Variants in CPS1 observed in about 807,000 individuals in gnomAD.
The protein encoded by CPS1 is carbamoyl-phosphate synthase 1.
Under a neutral mutation model 174.6 loss-of-function variants are expected in CPS1, and 109 were observed. The ratio of observed to expected loss-of-function variants is 0.62; its 90% CI spans 0.53 to 0.73. The LOEUF is 0.73. CPS1 is among the 30% of genes least tolerant of loss of function. The pLI, the probability that CPS1 is intolerant of heterozygous loss-of-function variation, is 0.00. For synonymous variants in CPS1, 637 were observed against 632.0 expected (o/e 1.01, Z -0.12); for missense variants, 1,689 against 1,821.9 (o/e 0.93, Z 1.33).
At chr2:210,676,740 C>T (rs990263984) in intron 36 of CPS1, among the ~76,000 whole-genome samples, 1 of 152,074 alleles carries the variant, frequency 6.6e-6, no homozygotes, top group Non-Finnish European at 1.5e-5. Flanking sequence ...ATCAAATTAC[C>T]AATTCTTAAT....
intron 2 of CPS1, among the ~76,000 whole-genome samples, chr2:210,575,520 A>ACG (rs1181034007): frequency 8.0e-6 from 1 of 125,266 alleles, no homozygotes; most frequent in Non-Finnish European, 1.7e-5. Flanking sequence ...GTATATGCAC[A>ACG]CACACACACA....
chr2:210,538,837 A>C (rs1207987805), intron 1 of CPS1, among the ~76,000 whole-genome samples: 1 of 152,104 alleles, frequency 6.6e-6, no homozygotes, highest in Non-Finnish European at 1.5e-5. Context: ...TTTGTTCATC[A>C]TGTGAAAAAA....
At chr2:210,591,474 TC>T (rs1164596626) in intron 9 of CPS1, among the ~76,000 whole-genome samples, 1 of 152,042 alleles carries the variant, frequency 6.6e-6, no homozygotes, top group African/African-American at 2.4e-5. Flanking sequence ...TCCCTATAAC[TC>T]TCGGGCTTTA....
At chr2:210,488,593 A>G (rs1694786236) in intron 1 of CPS1, among the ~76,000 whole-genome samples, 1 of 152,162 alleles carries the variant, frequency 6.6e-6, no homozygotes, top group Non-Finnish European at 1.5e-5. Flanking sequence ...TTTTGTGTAT[A>G]TAGGTACCAT....
intron 11 of CPS1, chr2:210,593,252 T>C (rs1316309177): frequency 6.9e-6 from 5 of 721,082 alleles, no homozygotes; most frequent in Non-Finnish European, 9.9e-6. Context: ...TGTTGTACTA[T>C]GCAAATGAAT....
At chr2:210,598,666 A>G (rs191095132) in intron 13 of CPS1, among the ~76,000 whole-genome samples, 61 of 152,070 alleles carry the variant, frequency 4.0e-4, no homozygotes, top group Admixed American at 1.0e-3. Context: ...AGATCTAACT[A>G]TCCTAAATAT....
At chr2:210,550,968 T>C (rs1181179081) in intron 1 of CPS1, among the ~76,000 whole-genome samples, 1 of 151,910 alleles carries the variant, frequency 6.6e-6, no homozygotes. Flanking sequence ...AACATTGAGT[T>C]TCTTTTCTTA....
intron 26 of CPS1, 127 bp from the exon 27 acceptor site, chr2:210,648,346 T>A: frequency 1.3e-6 from 1 of 790,252 alleles, no homozygotes; most frequent in Non-Finnish European, 2.0e-6. Flanking sequence ...CAGTGTCCAA[T>A]TTACATTTAA....
chr2:210,645,748 A>T (rs1700359329), intron 25 of CPS1, among the ~76,000 whole-genome samples: 1 of 152,176 alleles, frequency 6.6e-6, no homozygotes, highest in Non-Finnish European at 1.5e-5. Context: ...ATGCCACTGC[A>T]CTCCAGCGTT....
chr2:210,604,652 A>G (rs1384143165), intron 16 of CPS1, among the ~76,000 whole-genome samples: 5 of 151,870 alleles, frequency 3.3e-5, no homozygotes, highest in Non-Finnish European at 5.9e-5. Context: ...CCTCATCAAC[A>G]TCAACTAACT....
chr2:210,516,829 C>A (rs1270738383), intron 1 of CPS1, among the ~76,000 whole-genome samples: 2 of 151,856 alleles, frequency 1.3e-5, no homozygotes, highest in African/African-American at 2.4e-5. Context: ...AAATGATAGA[C>A]CCCAGCTATA....
chr2:210,495,780 G>T (rs1215333012), intron 1 of CPS1, among the ~76,000 whole-genome samples: 1 of 152,120 alleles, frequency 6.6e-6, no homozygotes, highest in African/African-American at 2.4e-5. Flanking sequence ...AACTTGCAAT[G>T]TTTGCTTTGC....
In CPS1 at chr2:210,658,621, T is replaced by A. The variant is rs763268415; in HGVS notation, c.3689T>A (p.Ile1230Asn). The change falls in exon 31 of 38, where the codon ATT (isoleucine) becomes AAT (asparagine). Residue 1230 changes from isoleucine to asparagine, a missense_variant. Ile to Asn is a moderately radical substitution (Grantham distance 149). Transcript: ENST00000233072. ...CAGGTGAAGGATGCTACCCGGAAGA[T>A]TGCAAAGGCTTTTGCCATCTCTGGT... ...IEKVKDATRK[I>N]AKAFAISGPF... The A allele has an allele frequency of 6.2e-7, 1 of 1,613,944 alleles. No homozygotes were observed. Among genetic ancestry groups the A allele is most frequent in the African/African-American group, 1.3e-5 (1 of 74,922 alleles).
intron 28 of CPS1, among the ~76,000 whole-genome samples, chr2:210,651,949 T>C (rs1478790128): frequency 3.3e-5 from 5 of 152,192 alleles, no homozygotes; most frequent in Non-Finnish European, 1.5e-5. Context: ...CTCAACAGAC[T>C]TCAAATAATT....
rs560684713 is a variant in CPS1, at chr2:210,567,196, A to T, written c.127-6102A>T. Among the ~76,000 whole-genome samples the T allele has an allele frequency of 3.9e-5, 6 of 152,220 alleles. No individual in the cohort carries two copies. In the East Asian group the frequency reaches 1.2e-3, roughly 29 times the overall value. ...ATCAGTATTACAGCTTTTTTAAGGG[A>T]GGTATTTTAACATTTGAACTCACAC... On this transcript the variant is annotated intron_variant, in intron 1 of 37. Coordinates refer to ENST00000233072, the MANE Select transcript of CPS1 (RefSeq NM_001875.5).
rs567933662 is a variant in CPS1 at position 210,675,031 on chromosome 2, T to C, written c.4161+70T>C. On this transcript the variant is annotated intron_variant, in intron 35 of 37. Coordinates refer to ENST00000233072, the MANE Select transcript of CPS1 (RefSeq NM_001875.5). ...GTCCACAAATCAAAATATTGCAGAA[T>C]ATTGGAAAAGAAATAGCCCAAAATA... is the stretch of plus-strand genomic sequence containing the variant. 5.5e-6 allele frequency: 7 copies of C among 1,271,912 alleles called. No individual in the cohort carries two copies. In the African/African-American group the frequency reaches 8.8e-5, roughly 16 times the overall value. 78.8% of individuals were successfully genotyped at this position (1,271,912 alleles called of 1,614,324 possible). A position where few individuals can be genotyped will look rare whatever the true frequency, so the allele number is the denominator to read the frequency against.
Position 210,538,462 on chromosome 2 carries a change from ATATACT to A in CPS1, c.4-18251_4-18246del, listed in dbSNP as rs1405149668. On this transcript the variant is annotated intron_variant, in intron 1 of 38. Transcript: ENST00000430249. ...TAAACTTATTTAATATATTAAAATGATATACTTATACATTTTAATTTTAATCCTTTA... is the reference window on the plus strand; with the variant it reads ...TAAACTTATTTAATATATTAAAATGATATACATTTTAATTTTAATCCTTTA... Among the ~76,000 whole-genome samples the A allele has an allele frequency of 9.9e-5, 15 of 152,134 alleles. No homozygotes were observed. In the East Asian group the frequency reaches 1.4e-3, roughly 14 times the overall value.
At chr2:210,586,606 C>A (rs975229238) in intron 6 of CPS1, among the ~76,000 whole-genome samples, 5 of 152,044 alleles carry the variant, frequency 3.3e-5, no homozygotes, top group Non-Finnish European at 5.9e-5. Flanking sequence ...AAGCACAAAT[C>A]CATATATGCA....
At chr2:210,624,742 G>A (rs1699644678) in intron 21 of CPS1, among the ~76,000 whole-genome samples, 1 of 151,948 alleles carries the variant, frequency 6.6e-6, no homozygotes, top group African/African-American at 2.4e-5. Flanking sequence ...AAATGATTGT[G>A]CATTTTTGAA....
Sources: gnomAD v4.1 joint callset for allele counts (sites outside exome capture counted in the v4.1 genomes callset) on GRCh38, gnomAD v4.1.1 for gene constraint, MANE v1.5 for transcripts, NCBI Gene and HGNC (gene_info 2026-07-23, HGNC 2026-07-21) for gene names.